NR4A3: variants seen among roughly 807,000 people sequenced by gnomAD.
The protein encoded by NR4A3 is nuclear receptor subfamily 4 group A member 3.
In NR4A3, 13 loss-of-function variants were observed where a neutral mutation model predicts 55.6. The ratio of observed to expected loss-of-function variants is 0.23; its 90% CI spans 0.15 to 0.37. NR4A3 has a LOEUF of 0.37. Ranked by LOEUF, NR4A3 falls within the 10% of genes least tolerant of loss-of-function variation. The pLI is 1.00. For synonymous variants in NR4A3, 342 were observed against 357.9 expected (o/e 0.96, Z 0.50); for missense variants, 646 against 822.8 (o/e 0.79, Z 2.63).
At chr9:99,845,768 T>C (rs1443526855) in intron 6 of NR4A3, among the ~76,000 whole-genome samples, 1 of 152,248 alleles carries the variant, frequency 6.6e-6, no homozygotes, top group African/African-American at 2.4e-5. Context: ...TAACATATGC[T>C]TTAATGATTC....
rs774898366 is a variant in NR4A3 at position 99,828,491 on chromosome 9, C to A, written c.449C>A (p.Pro150Gln). 2.5e-6 allele frequency: 4 copies of A among 1,581,566 alleles called. No homozygotes were observed. In the Admixed American group the frequency reaches 7.2e-5, roughly 28 times the overall value. ...ACCCCCACCACGCCGGCCTTCCCCC[C>A]GCAGGCGGGGGCGTTATGGGACGAG... Reference protein sequence around the residue: ...PSTPTTPAFPPQAGALWDEAL... With the variant: ...PSTPTTPAFPQQAGALWDEAL... The change falls in exon 3 of 8, where the codon CCG becomes CAG. Residue 150 changes from proline (P) to glutamine (Q), a missense_variant. Coordinates refer to ENST00000395097, the MANE Select transcript of NR4A3 (RefSeq NM_006981.4). The surrounding 1 kb of genome is among the most constrained non-coding windows in gnomAD (Gnocchi z 7.7).
At chr9:99,853,459 C>T (rs1173987479) in intron 7 of NR4A3, among the ~76,000 whole-genome samples, 2 of 108,204 alleles carry the variant, frequency 1.8e-5, no homozygotes, top group South Asian at 3.9e-4. Context: ...GGTATATCTC[C>T]CAATGCTATC....
Position 99,847,580 on chromosome 9 carries a change from C to A in NR4A3, c.1598C>A (p.Ala533Asp), listed in dbSNP as rs1277692776. 1.2e-6 allele frequency: 2 copies of A among 1,614,134 alleles called. No individual in the cohort carries two copies. The highest frequency in any genetic ancestry group is 1.7e-5 in the Admixed American group (1 of 60,018). The change falls in exon 7 of 8, where the codon GCC becomes GAC. Residue 533 changes from alanine to aspartate, a missense_variant. Physicochemically the swap from Ala to Asp is moderately radical, Grantham distance 126. This residue lies in a region of NR4A3 where 163 missense variants were observed against 233.0 expected (regional missense o/e 0.70). Coordinates refer to ENST00000395097, the MANE Select transcript of NR4A3 (RefSeq NM_006981.4). ...CAGAGCCTGAACCTTGATATCCAAG[C>A]CTTAGCCTGCCTGTCAGCACTGAGC... The part of the protein sequence containing the change: ...NLQSLNLDIQ[A>D]LACLSALSMI...
chr9:99,830,977 A>C (rs1262350450), intron 3 of NR4A3, among the ~76,000 whole-genome samples: 2 of 152,228 alleles, frequency 1.3e-5, no homozygotes, highest in Admixed American at 6.5e-5. Context: ...GGGTGGGGGC[A>C]AGATGGGGGA....
At chr9:99,863,279 T>C (rs1016892130) in intron 7 of NR4A3, among the ~76,000 whole-genome samples, 1 of 152,212 alleles carries the variant, frequency 6.6e-6, no homozygotes, top group African/African-American at 2.4e-5. Context: ...CATGTGGCTG[T>C]GTGCCAGGAA....
chr9:99,823,126 C>T (rs1428361070), intron 1 of NR4A3, among the ~76,000 whole-genome samples: 1 of 152,184 alleles, frequency 6.6e-6, no homozygotes, highest in Non-Finnish European at 1.5e-5. Context: ...CACACTGACA[C>T]GTGTGGGGAC....
intron 5 of NR4A3, among the ~76,000 whole-genome samples, chr9:99,838,147 G>T (rs1215956491): frequency 6.6e-5 from 10 of 152,104 alleles, no homozygotes; most frequent in African/African-American, 2.4e-4. Context: ...TTTTAATTTA[G>T]CAATACAAGT....
chr9:99,846,019 T>C (rs1001344184), intron 6 of NR4A3, among the ~76,000 whole-genome samples: 9 of 152,210 alleles, frequency 5.9e-5, no homozygotes, highest in African/African-American at 2.2e-4. Flanking sequence ...GTGCCATATA[T>C]GTCCTATTCA....
At chr9:99,834,846 G>A (rs919282106) in intron 5 of NR4A3, 5 of 984,862 alleles carry the variant, frequency 5.1e-6, no homozygotes, top group Admixed American at 1.2e-4. Flanking sequence ...CAAAGGTTGA[G>A]GACTCTTATT....
intron 7 of NR4A3, among the ~76,000 whole-genome samples, chr9:99,860,674 G>A (rs975057671): frequency 3.3e-5 from 5 of 152,208 alleles, no homozygotes; most frequent in South Asian, 2.1e-4. Flanking sequence ...ATGATAAGCC[G>A]TAGGAGACAG....
chr9:99,844,113 C>T (rs1827711175), intron 5 of NR4A3, among the ~76,000 whole-genome samples: 1 of 151,646 alleles, frequency 6.6e-6, no homozygotes, highest in African/African-American at 2.4e-5. Context: ...TGCTGCCAGT[C>T]TGGAGACCAC....
Position 99,828,705 on chromosome 9 carries a change from C to T in NR4A3, c.663C>T (p.Leu221=). The T allele has an allele frequency of 7.6e-7, 1 of 1,312,814 alleles. No homozygotes were observed. Among genetic ancestry groups the T allele is most frequent in the Non-Finnish European group, 9.6e-7 (1 of 1,036,946 alleles). The allele number at this position is 1,312,814 out of a possible 1,614,324, so 81.3% of individuals were successfully genotyped here. Residue 221 remains leucine (L), a synonymous_variant, in exon 3 of 8, where the codon CTC becomes CTT. Transcript: ENST00000395097. The surrounding 1 kb of genome is among the most constrained non-coding windows in gnomAD (Gnocchi z 7.7). ...LGYDPTAAAA[L]SLPLGAAAAA... Reference sequence around the variant, plus strand: ...ACGACCCGACGGCCGCTGCCGCGCTCAGCCTGCCGCTGGGAGCCGCAGCCG... The same window carrying T: ...ACGACCCGACGGCCGCTGCCGCGCTTAGCCTGCCGCTGGGAGCCGCAGCCG...
intron 7 of NR4A3, among the ~76,000 whole-genome samples, chr9:99,847,850 A>C (rs181719700): frequency 2.0e-5 from 3 of 152,236 alleles, no homozygotes; most frequent in Non-Finnish European, 4.4e-5. Flanking sequence ...AGTAAGCCCA[A>C]TATACGAAAA....
chr9:99,826,896 G>T, intron 2 of NR4A3: 1 of 1,243,628 alleles, frequency 8.0e-7, no homozygotes, highest in Non-Finnish European at 1.2e-6. Context: ...TAAGCACCTG[G>T]TTTTCCTTTG....
rs1213608241 is a variant in NR4A3 at position 99,864,630 on chromosome 9, G to A, written c.*763G>A. 1 of 228,194 alleles carries A rather than the reference G, an allele frequency of 4.4e-6. No individual in the cohort carries two copies. Among genetic ancestry groups the A allele is most frequent in the East Asian group, 6.3e-5 (1 of 15,960 alleles). 14.1% of individuals were successfully genotyped at this position (228,194 alleles called of 1,614,324 possible). On this transcript the variant is annotated 3_prime_UTR_variant, in exon 8 of 8. Coordinates refer to ENST00000395097, the MANE Select transcript of NR4A3 (RefSeq NM_006981.4). ...CCCTGTCGATCCCTTCTGAGGTATGGCCCATCCAAGACTTTTAGGCCATTC... is the reference window on the plus strand; with the variant it reads ...CCCTGTCGATCCCTTCTGAGGTATGACCCATCCAAGACTTTTAGGCCATTC...
At position 99,833,474 on chromosome 9, in the gene NR4A3, G is replaced by A; in HGVS notation, c.1254+20G>A. On this transcript the variant is annotated intron_variant, in intron 5 of 7. Transcript: ENST00000395097. ...TCCAGAGTAAGTTTTATGATTTCCT[G>A]CTTTCAAATGAATGATCAGGGTCTC... 1.2e-6 allele frequency: 2 copies of A among 1,614,010 alleles called. No homozygotes were observed. Among genetic ancestry groups the A allele is most frequent in the South Asian group, 2.2e-5 (2 of 91,078 alleles).
In NR4A3 at chr9:99,833,252, G is replaced by C. The variant is rs778330843; in HGVS notation, c.1082-30G>C. 4 of 1,556,320 alleles carry C rather than the reference G, an allele frequency of 2.6e-6. No homozygotes were observed. The African/African-American group carries it at 4.2e-5, about 16-fold the overall frequency. On this transcript the variant is annotated intron_variant, in intron 4 of 7. Coordinates refer to ENST00000395097, the MANE Select transcript of NR4A3 (RefSeq NM_006981.4). ...GGTCGTTCATTCCATAATCTTTGAA[G>C]ATTGTTTTCTTTGTCTCTTTTGGCA...
At position 99,864,568 on chromosome 9, in the gene NR4A3, A is replaced by G. The variant is rs975743730; in HGVS notation, c.*701A>G. 4.4e-6 allele frequency: 1 copy of G among 227,956 alleles called. No individual in the cohort carries two copies. 14.1% of individuals were successfully genotyped at this position (227,956 alleles called of 1,614,324 possible). A position where few individuals can be genotyped will look rare whatever the true frequency, so the allele number is the denominator to read the frequency against. The stretch of plus-strand genomic sequence containing the variant: ...AAGGAGGCAGTCATGTTAGCAAATG[A>G]CACGTTAATATCCCTAGCAGAGGCT... On this transcript the variant is annotated 3_prime_UTR_variant, in exon 8 of 8. Coordinates refer to ENST00000395097, the MANE Select transcript of NR4A3 (RefSeq NM_006981.4).
At chr9:99,852,498 T>C (rs1827866403) in intron 7 of NR4A3, among the ~76,000 whole-genome samples, 1 of 152,202 alleles carries the variant, frequency 6.6e-6, no homozygotes, top group Non-Finnish European at 1.5e-5. Flanking sequence ...TATGTGATAT[T>C]TACCTTCTGG....
Sources: allele counts gnomAD v4.1 joint callset (sites outside exome capture counted in the v4.1 genomes callset), GRCh38; gene constraint gnomAD v4.1.1; regional missense constraint gnomAD v4.1.1; non-coding constraint Gnocchi (gnomAD v3.1); transcripts MANE v1.5; gene names NCBI Gene and HGNC (gene_info 2026-07-23, HGNC 2026-07-21).